Variants in LAMTOR3 observed in about 807,000 individuals in gnomAD.
The protein encoded by LAMTOR3 is late endosomal/lysosomal adaptor, MAPK and MTOR activator 3, also known as ragulator complex protein LAMTOR3.
Under a neutral mutation model 20.3 loss-of-function variants are expected in LAMTOR3, and 14 were observed. The ratio of observed to expected loss-of-function variants is 0.69; its 90% confidence interval spans 0.46 to 1.08. The LOEUF (loss-of-function observed/expected upper bound fraction) is 1.08, where lower values mean the gene tolerates loss of function less well. Ranked by LOEUF, LAMTOR3 falls within the 50% of genes least tolerant of loss-of-function variation. LAMTOR3 has a pLI of 0.00. For missense variants in LAMTOR3, 125 were observed against 143.7 expected (o/e 0.87, Z 0.67); for synonymous variants, 40 against 49.4 (o/e 0.81, Z 0.80).
intron 6 of LAMTOR3, among the ~76,000 whole-genome samples, chr4:99,883,215 G>A (rs1724860356): frequency 6.6e-6 from 1 of 151,884 alleles, no homozygotes; most frequent in South Asian, 2.1e-4. Flanking sequence ...TTTTGAAATG[G>A]AAGAGATCTA....
intron 2 of LAMTOR3, among the ~76,000 whole-genome samples, chr4:99,893,511 G>A (rs1474242397): frequency 6.6e-6 from 1 of 151,994 alleles, no homozygotes; most frequent in African/African-American, 2.4e-5. Flanking sequence ...TTCTAAAGAG[G>A]CATGGGTTAG....
intron 3 of LAMTOR3, among the ~76,000 whole-genome samples, chr4:99,889,367 T>C (rs925241382): frequency 6.6e-6 from 1 of 152,032 alleles, no homozygotes; most frequent in Non-Finnish European, 1.5e-5. Flanking sequence ...CAACTGTCCA[T>C]CAAGAAGGAC....
chr4:99,894,227 A>G (rs1725079793), intron 1 of LAMTOR3, 108 bp downstream of exon 1: 3 of 384,960 alleles, frequency 7.8e-6, no homozygotes, highest in Non-Finnish European at 1.4e-5. Context: ...CACCCCAAAG[A>G]GCTAGGCCCA....
intron 5 of LAMTOR3, among the ~76,000 whole-genome samples, chr4:99,884,613 A>G (rs1262475922): frequency 6.6e-6 from 1 of 152,232 alleles, no homozygotes; most frequent in Non-Finnish European, 1.5e-5. Flanking sequence ...TGATGAAATT[A>G]AAGGTCAGAT....
At chr4:99,884,252 A>G in intron 5 of LAMTOR3, 127 bp from the exon 6 acceptor site, 2 of 673,288 alleles carry the variant, frequency 3.0e-6, no homozygotes, top group Non-Finnish European at 5.2e-6. Context: ...ATGGTATTAT[A>G]TTATGAAACA....
intron 5 of LAMTOR3, 52 bp downstream of exon 5, chr4:99,885,490 G>A (rs200336234): frequency 1.1e-3 from 1,581 of 1,489,912 alleles, no homozygotes; most frequent in Non-Finnish European, 1.3e-3. Flanking sequence ...TATATAAAAG[G>A]CACAAAAATG....
At chr4:99,894,032 CTT>C in intron 1 of LAMTOR3, 32 bp from the exon 2 acceptor site, 1 of 1,385,182 alleles carries the variant, frequency 7.2e-7, no homozygotes, top group South Asian at 1.5e-5. Context: ...ACTCTTCCCT[CTT>C]TGGCTTCCTC....
chr4:99,884,081 G>A lies in LAMTOR3; in HGVS notation c.282C>T (p.Ala94=), dbSNP rs376575788. The A allele has an allele frequency of 1.9e-6, 3 of 1,611,324 alleles. No individual in the cohort carries two copies. Among genetic ancestry groups the A allele is most frequent in the Non-Finnish European group, 2.5e-6 (3 of 1,178,346 alleles). Residue 94 remains alanine (A), a synonymous_variant, in exon 6 of 7, where the codon GCC becomes GCT. Coordinates refer to ENST00000499666, the MANE Select transcript of LAMTOR3 (RefSeq NM_021970.4). ...NRLPLVVSFI[A]SSSANTGLIV... Reference sequence around the variant, plus strand: ...ACACACCTGTATTGGCACTGCTGCTGGCTATGAAACTCACCACCAAAGGTA... The same window carrying A: ...ACACACCTGTATTGGCACTGCTGCTAGCTATGAAACTCACCACCAAAGGTA...
At chr4:99,884,777 C>T (rs1376403255) in intron 5 of LAMTOR3, among the ~76,000 whole-genome samples, 2 of 152,058 alleles carry the variant, frequency 1.3e-5, no homozygotes, top group Non-Finnish European at 2.9e-5. Flanking sequence ...CCAGCCTGGC[C>T]AACATGGTGA....
At chr4:99,890,038 T>A (rs75567852) in intron 3 of LAMTOR3, among the ~76,000 whole-genome samples, 6,346 of 152,218 alleles carry the variant, frequency 0.042, 154 homozygotes, top group Non-Finnish European at 0.06. Flanking sequence ...AAGAGTAATA[T>A]AAATAGAATT....
Position 99,881,898 on chromosome 4 carries a change from G to A in LAMTOR3, c.*96C>T, listed in dbSNP as rs917999116. ...GTTGGAAAAAGGGGCCCTTTCTTGA[G>A]CACATGGATAAAAGTATTATTGTAG... On this transcript the variant is annotated 3_prime_UTR_variant, in exon 7 of 7. Transcript: ENST00000499666. 2.2e-5 allele frequency: 19 copies of A among 846,750 alleles called. No individual in the cohort carries two copies. Among genetic ancestry groups the A allele is most frequent in the Non-Finnish European group, 3.5e-5 (18 of 519,934 alleles). 52.5% of individuals were successfully genotyped at this position (846,750 alleles called of 1,614,324 possible). A position where few individuals can be genotyped will look rare whatever the true frequency, so the allele number is the denominator to read the frequency against.
At chr4:99,891,729 G>A (rs1725026298) in intron 3 of LAMTOR3, among the ~76,000 whole-genome samples, 1 of 152,146 alleles carries the variant, frequency 6.6e-6, no homozygotes, top group Non-Finnish European at 1.5e-5. Flanking sequence ...CAAATAGAAA[G>A]TAAAGAATTA....
intron 2 of LAMTOR3, among the ~76,000 whole-genome samples, chr4:99,893,205 G>A (rs966686323): frequency 1.3e-5 from 2 of 150,770 alleles, no homozygotes; most frequent in African/African-American, 4.9e-5. Flanking sequence ...TGTAGAACGG[G>A]GTCTTGCTAT....
intron 3 of LAMTOR3, among the ~76,000 whole-genome samples, chr4:99,891,239 C>T (rs1280297579): frequency 6.6e-6 from 1 of 152,128 alleles, no homozygotes; most frequent in Admixed American, 6.5e-5. Context: ...TTTGAGCGCC[C>T]TTTCATTACG....
chr4:99,881,128 G>A lies in LAMTOR3; in HGVS notation c.*866C>T, dbSNP rs1724818760. 6.6e-6 allele frequency: 1 copy of A among 152,120 alleles called. No homozygotes were observed. Among genetic ancestry groups the A allele is most frequent in the African/African-American group, 2.4e-5 (1 of 41,434 alleles). 9.4% of individuals were successfully genotyped at this position (152,120 alleles called of 1,614,324 possible). On this transcript the variant is annotated 3_prime_UTR_variant, in exon 7 of 7. Coordinates refer to ENST00000499666, the MANE Select transcript of LAMTOR3 (RefSeq NM_021970.4). ...GAAACACTCATTATTTATTCATGTG[G>A]CTGAAAGAGTATATTAATTATGTTT...
At chr4:99,883,594 T>C (rs1414354656) in intron 6 of LAMTOR3, among the ~76,000 whole-genome samples, 2 of 152,070 alleles carry the variant, frequency 1.3e-5, no homozygotes, top group Non-Finnish European at 2.9e-5. Flanking sequence ...TCATGCTCTT[T>C]AAATTCTCAA....
At chr4:99,884,944 C>A (rs931956460) in intron 5 of LAMTOR3, among the ~76,000 whole-genome samples, 3 of 148,978 alleles carry the variant, frequency 2.0e-5, no homozygotes, top group Non-Finnish European at 3.0e-5. Context: ...CAGCATGGGG[C>A]AACAGAGCCA....
At chr4:99,882,165 G>A in intron 6 of LAMTOR3, 98 bp from the exon 7 acceptor site, 1 of 697,218 alleles carries the variant, frequency 1.4e-6, no homozygotes, top group East Asian at 2.9e-5. Context: ...GTTACCAAAA[G>A]TAAATCAGAA....
At chr4:99,883,945 C>A in intron 6 of LAMTOR3, 117 bp downstream of exon 6, 1 of 688,566 alleles carries the variant, frequency 1.5e-6, no homozygotes, top group Non-Finnish European at 2.5e-6. Flanking sequence ...TGAAACTGGG[C>A]CACAAGTTCA....
Sources: allele counts gnomAD v4.1 joint callset (sites outside exome capture counted in the v4.1 genomes callset), GRCh38; gene constraint gnomAD v4.1.1; transcripts MANE v1.5; gene names NCBI Gene and HGNC (gene_info 2026-07-23, HGNC 2026-07-21).